CDYL2: variants seen among roughly 807,000 people sequenced by gnomAD.
The protein encoded by CDYL2 is chromodomain Y like 2, also known as chromodomain Y-like protein 2.
CDYL2 carries 23 observed loss-of-function variants against 49.4 expected under a neutral mutation model. The ratio of observed to expected loss-of-function variants is 0.47; its 90% CI spans 0.34 to 0.66. CDYL2 has a LOEUF of 0.66. CDYL2 is among the 30% of genes least tolerant of loss of function. The probability of loss-of-function intolerance (pLI) is 0.01; values close to 1 mark genes in which losing one functional copy is unlikely to be tolerated. For synonymous variants in CDYL2, 360 were observed against 268.8 expected (o/e 1.34, Z -3.32); for missense variants, 678 against 656.4 (o/e 1.03, Z -0.36).
At chr16:80,686,545 G>A (rs141037234) in intron 1 of CDYL2, among the ~76,000 whole-genome samples, 2 of 152,316 alleles carry the variant, frequency 1.3e-5, no homozygotes, top group Non-Finnish European at 2.9e-5. Flanking sequence ...GAGCAAAGGT[G>A]AGTACAGTCA....
chr16:80,757,575 CACAT>C (rs902053751), intron 1 of CDYL2, among the ~76,000 whole-genome samples: 40 of 149,864 alleles, frequency 2.7e-4, no homozygotes, highest in Non-Finnish European at 5.3e-4. Context: ...TATACACACA[CACAT>C]ATATTTTGAA....
chr16:80,683,729 G>A (rs954445926), intron 2 of CDYL2, among the ~76,000 whole-genome samples: 1 of 152,280 alleles, frequency 6.6e-6, no homozygotes, highest in South Asian at 2.1e-4. Flanking sequence ...CTCCATCCTT[G>A]TGGATGGGAT....
intron 1 of CDYL2, among the ~76,000 whole-genome samples, chr16:80,706,119 A>G (rs531045279): frequency 1.1e-4 from 17 of 152,330 alleles, no homozygotes; most frequent in African/African-American, 3.6e-4. Context: ...CTTTCCCTCA[A>G]AATAACACCT....
intron 3 of CDYL2, among the ~76,000 whole-genome samples, chr16:80,629,020 G>C (rs997327681): frequency 9.2e-5 from 14 of 152,326 alleles, no homozygotes; most frequent in Non-Finnish European, 1.3e-4. Context: ...CCCCGGGGCA[G>C]GTGTAAGCAT....
chr16:80,626,568 G>A (rs1262323270), intron 3 of CDYL2, among the ~76,000 whole-genome samples: 3 of 152,120 alleles, frequency 2.0e-5, no homozygotes, highest in African/African-American at 7.2e-5. Context: ...TGAATGGGGA[G>A]GAGGATAAAA....
intron 2 of CDYL2, among the ~76,000 whole-genome samples, chr16:80,674,959 A>C (rs190961752): frequency 6.6e-6 from 1 of 152,244 alleles, no homozygotes; most frequent in East Asian, 1.9e-4. Flanking sequence ...TGAGTGTGTG[A>C]TGTGTACATC....
rs1468246921 is a variant in CDYL2, at chr16:80,748,518, A to C, written c.24+55632T>G. Among the ~76,000 whole-genome samples, 125 of 132,354 alleles carry C rather than the reference A, an allele frequency of 9.4e-4. 1 individual carries two copies. The highest frequency in any genetic ancestry group is 1.2e-3 in the Non-Finnish European group (73 of 62,606). The allele number at this position is 132,354 out of a possible 152,430, so 86.8% of individuals were successfully genotyped here. ...AGCAAAACTCCATTAAAAAAAAAAA[A>C]AAAAAAAAAAAAAAAAAAAAAACTC... On this transcript the variant is annotated intron_variant, in intron 1 of 6. Transcript: ENST00000570137.
At chr16:80,764,417 C>T (rs533535150) in intron 1 of CDYL2, among the ~76,000 whole-genome samples, 58 of 152,202 alleles carry the variant, frequency 3.8e-4, no homozygotes, top group Admixed American at 3.3e-4. Flanking sequence ...TCACAATCTC[C>T]CCAAATTAAA....
intron 1 of CDYL2, among the ~76,000 whole-genome samples, chr16:80,718,977 A>G (rs1234082851): frequency 6.6e-6 from 1 of 152,182 alleles, no homozygotes; most frequent in East Asian, 1.9e-4. Context: ...AGTAAATCCA[A>G]AGTTGTCAGA....
chr16:80,794,984 T>C (rs1201357866), intron 1 of CDYL2, among the ~76,000 whole-genome samples: 5 of 152,162 alleles, frequency 3.3e-5, no homozygotes, highest in Non-Finnish European at 7.4e-5. Context: ...ACAGCTGACA[T>C]AAAATAAAAA....
At chr16:80,656,248 AG>A (rs1908806720) in intron 2 of CDYL2, among the ~76,000 whole-genome samples, 1 of 152,252 alleles carries the variant, frequency 6.6e-6, no homozygotes, top group African/African-American at 2.4e-5. Context: ...GCATTCAAAA[AG>A]GAGGAACTAA....
intron 1 of CDYL2, among the ~76,000 whole-genome samples, chr16:80,802,850 G>A (rs1907967781): frequency 6.6e-6 from 1 of 152,196 alleles, no homozygotes; most frequent in Non-Finnish European, 1.5e-5. Flanking sequence ...ATCACCCCCT[G>A]CAGTCTGTCG....
In CDYL2 at chr16:80,601,642, G is replaced by A. The variant is rs1202743067; in HGVS notation, c.*2746C>T. 1 of 152,158 alleles carries A rather than the reference G, an allele frequency of 6.6e-6. No homozygotes were observed. 9.4% of individuals were successfully genotyped at this position (152,158 alleles called of 1,614,324 possible). Reference sequence around the variant, plus strand: ...ATTTTCCATCCCAAATCTATTTGCTGTAAGTTACCTGGAATTCGCCTACAC... The same window carrying A: ...ATTTTCCATCCCAAATCTATTTGCTATAAGTTACCTGGAATTCGCCTACAC... On this transcript the variant is annotated 3_prime_UTR_variant, in exon 7 of 7. Transcript: ENST00000570137.
intron 1 of CDYL2, among the ~76,000 whole-genome samples, chr16:80,754,791 G>C (rs1424219539): frequency 6.6e-6 from 1 of 152,192 alleles, no homozygotes; most frequent in South Asian, 2.1e-4. Flanking sequence ...GTGTGATGGG[G>C]TTTGGCTCTC....
At chr16:80,669,989 G>C (rs1316747824) in intron 2 of CDYL2, among the ~76,000 whole-genome samples, 1 of 152,188 alleles carries the variant, frequency 6.6e-6, no homozygotes, top group Non-Finnish European at 1.5e-5. Flanking sequence ...GAATCCCTCT[G>C]CCTAAGTCTG....
chr16:80,745,300 A>T (rs11646609), intron 1 of CDYL2, among the ~76,000 whole-genome samples: 70,363 of 152,048 alleles, frequency 0.46, 17,537 homozygotes, highest in Middle Eastern at 0.64. Context: ...CACCTGAGCA[A>T]CTGGAAAAGC....
chr16:80,686,140 G>C (rs1910181187), intron 1 of CDYL2, among the ~76,000 whole-genome samples: 1 of 152,190 alleles, frequency 6.6e-6, no homozygotes, highest in Non-Finnish European at 1.5e-5. Context: ...TTATGTGTCA[G>C]GCCCTAAAGC....
intron 2 of CDYL2, among the ~76,000 whole-genome samples, chr16:80,674,358 C>T (rs549743047): frequency 4.9e-4 from 75 of 152,268 alleles, no homozygotes; most frequent in African/African-American, 1.7e-3. Flanking sequence ...GGCTCCCTTG[C>T]ACATGGCAAG....
At chr16:80,632,491 T>C (rs531571875) in intron 3 of CDYL2, 2 of 156,136 alleles carry the variant, frequency 1.3e-5, no homozygotes, top group African/African-American at 4.8e-5. Flanking sequence ...TCAGTAGTGA[T>C]GATGCTTGCA....
Sources: gnomAD v4.1 joint callset for allele counts (sites outside exome capture counted in the v4.1 genomes callset) on GRCh38, gnomAD v4.1.1 for gene constraint, MANE v1.5 for transcripts, NCBI Gene and HGNC (gene_info 2026-07-23, HGNC 2026-07-21) for gene names.